Variants in SPATA17 observed in about 807,000 individuals in gnomAD.
SPATA17 encodes the protein spermatogenesis associated 17.
Under a neutral mutation model 62.2 loss-of-function variants are expected in SPATA17, and 53 were observed. The ratio of observed to expected loss-of-function variants is 0.85; its 90% CI spans 0.68 to 1.07. The LOEUF is 1.07. Ranked by LOEUF, SPATA17 falls within the 50% of genes least tolerant of loss-of-function variation. The pLI is 0.00. For synonymous variants in SPATA17, 146 were observed against 146.8 expected (o/e 0.99, Z 0.04); for missense variants, 466 against 425.5 (o/e 1.10, Z -0.84).
chr1:217,733,815 T>G, intron 5 of SPATA17, among the ~76,000 whole-genome samples: 1 of 152,226 alleles, frequency 6.6e-6, no homozygotes, highest in Non-Finnish European at 1.5e-5. Flanking sequence ...TTTAAAATGT[T>G]AAAGTTTCAA....
At chr1:217,699,070 G>C (rs1671531958) in intron 5 of SPATA17, among the ~76,000 whole-genome samples, 1 of 152,178 alleles carries the variant, frequency 6.6e-6, no homozygotes, top group South Asian at 2.1e-4. Flanking sequence ...TTTGATTGCA[G>C]AGTTGTCTTG....
chr1:217,820,848 G>C (rs893261531), intron 9 of SPATA17, among the ~76,000 whole-genome samples: 2 of 143,252 alleles, frequency 1.4e-5, no homozygotes, highest in Non-Finnish European at 1.5e-5. Context: ...ACCTGAAGCC[G>C]GGTAGTTTTT....
At chr1:217,648,345 C>T (rs1442948702) in intron 1 of SPATA17, among the ~76,000 whole-genome samples, 13 of 152,138 alleles carry the variant, frequency 8.5e-5, no homozygotes, top group Admixed American at 8.5e-4. Flanking sequence ...TTTCTTATCT[C>T]TATATAAACC....
At chr1:217,700,552 T>C (rs2102918833) in intron 5 of SPATA17, among the ~76,000 whole-genome samples, 1 of 152,240 alleles carries the variant, frequency 6.6e-6, no homozygotes, top group East Asian at 1.9e-4. Context: ...TCCTTAGACA[T>C]AATGTGACCT....
At position 217,859,043 on chromosome 1, in the gene SPATA17, A is replaced by G. The variant is rs1161655658; in HGVS notation, c.1006-3731A>G. ...ACTCCGTCTCAAAAAATAAATAAATAAAATAAAATAAAATTATATATGTGT... is the reference window on the plus strand; with the variant it reads ...ACTCCGTCTCAAAAAATAAATAAATGAAATAAAATAAAATTATATATGTGT... On this transcript the variant is annotated intron_variant, in intron 9 of 10. Transcript: ENST00000366933. Among the ~76,000 whole-genome samples the G allele has an allele frequency of 2.0e-5, 3 of 149,504 alleles. No homozygotes were observed. In the East Asian group the frequency reaches 5.8e-4, roughly 29 times the overall value.
At chr1:217,824,346 A>G (rs1463670349) in intron 9 of SPATA17, among the ~76,000 whole-genome samples, 1 of 151,782 alleles carries the variant, frequency 6.6e-6, no homozygotes, top group East Asian at 1.9e-4. Flanking sequence ...TTTGTATACT[A>G]TATATACTTA....
intron 7 of SPATA17, among the ~76,000 whole-genome samples, chr1:217,775,971 G>C (rs1673581816): frequency 6.6e-6 from 1 of 151,970 alleles, no homozygotes. Context: ...GTTATAACCT[G>C]TTGTTGCTGG....
At chr1:217,864,795 T>G (rs115412198) in intron 10 of SPATA17, among the ~76,000 whole-genome samples, 2,500 of 152,248 alleles carry the variant, frequency 0.016, 48 homozygotes, top group African/African-American at 0.056. Context: ...TTTATTCTAT[T>G]TAATCATAAT....
At chr1:217,812,914 G>A (rs1279179536) in intron 9 of SPATA17, among the ~76,000 whole-genome samples, 1 of 152,144 alleles carries the variant, frequency 6.6e-6, no homozygotes, top group Non-Finnish European at 1.5e-5. Context: ...TTCAGAAAGA[G>A]ACTCTTTCAA....
At chr1:217,684,893 G>A (rs996480345) in intron 5 of SPATA17, among the ~76,000 whole-genome samples, 1 of 152,082 alleles carries the variant, frequency 6.6e-6, no homozygotes, top group Non-Finnish European at 1.5e-5. Flanking sequence ...TGGTCTTTGA[G>A]GATTACCTAT....
intron 1 of SPATA17, among the ~76,000 whole-genome samples, chr1:217,634,589 T>C (rs1669895658): frequency 6.6e-6 from 1 of 152,184 alleles, no homozygotes; most frequent in Non-Finnish European, 1.5e-5. Flanking sequence ...AGGGTCAGAA[T>C]CTTATAGCCT....
intron 9 of SPATA17, among the ~76,000 whole-genome samples, chr1:217,831,978 A>G (rs1675153935): frequency 6.6e-6 from 1 of 152,200 alleles, no homozygotes. Context: ...GTACTTTTAA[A>G]AGAAATAAAT....
intron 9 of SPATA17, among the ~76,000 whole-genome samples, chr1:217,854,321 C>T (rs1462003258): frequency 3.3e-5 from 5 of 152,048 alleles, no homozygotes; most frequent in Admixed American, 3.3e-4. Context: ...TAAATTTTAG[C>T]AAGTTGGCAA....
chr1:217,700,642 A>G (rs1316130380), intron 5 of SPATA17, among the ~76,000 whole-genome samples: 2 of 151,930 alleles, frequency 1.3e-5, no homozygotes, highest in Non-Finnish European at 2.9e-5. Flanking sequence ...GCTGGAGTGC[A>G]ATGGTGCGAT....
At chr1:217,738,768 A>G in intron 5 of SPATA17, among the ~76,000 whole-genome samples, 1 of 152,176 alleles carries the variant, frequency 6.6e-6, no homozygotes, top group East Asian at 1.9e-4. Context: ...CCTGGCCAAC[A>G]TGGCGAAACA....
At chr1:217,854,606 T>G (rs1177491638) in intron 9 of SPATA17, among the ~76,000 whole-genome samples, 1 of 151,750 alleles carries the variant, frequency 6.6e-6, no homozygotes, top group Non-Finnish European at 1.5e-5. Flanking sequence ...TCTCTATTCT[T>G]TCTCTCTTCC....
intron 8 of SPATA17, among the ~76,000 whole-genome samples, chr1:217,783,016 TATA>T (rs1163735500): frequency 6.6e-6 from 1 of 151,402 alleles, no homozygotes; most frequent in Non-Finnish European, 1.5e-5. Flanking sequence ...CAATGTATCT[TATA>T]ATGTATTTTA....
chr1:217,761,468 A>G (rs573390338), intron 6 of SPATA17, among the ~76,000 whole-genome samples: 1 of 152,204 alleles, frequency 6.6e-6, no homozygotes, highest in Non-Finnish European at 1.5e-5. Context: ...CTTCCAATAT[A>G]CATATACATA....
Position 217,638,103 on chromosome 1 carries a change from G to A in SPATA17, c.68+6657G>A, listed in dbSNP as rs569262557. On this transcript the variant is annotated intron_variant, in intron 1 of 10. Transcript: ENST00000366933. ...ACATATGATCGACTCAGTGAATATC[G>A]AAAAGGTAATTGAAAAATTTTTTGG... 5.9e-5 allele frequency among the ~76,000 whole-genome samples: 9 copies of A among 152,058 alleles called. No homozygotes were observed. In the East Asian group the frequency reaches 1.4e-3, roughly 23 times the overall value.
Sources: gnomAD v4.1 joint callset for allele counts (sites outside exome capture counted in the v4.1 genomes callset) on GRCh38, gnomAD v4.1.1 for gene constraint, MANE v1.5 for transcripts, NCBI Gene and HGNC (gene_info 2026-07-23, HGNC 2026-07-21) for gene names.